Variants in TSPEAR observed in about 807,000 individuals in gnomAD.
The protein encoded by TSPEAR is thrombospondin type laminin G domain and EAR repeats.
Under a neutral mutation model 71.6 loss-of-function variants are expected in TSPEAR, and 69 were observed. That is an observed-to-expected ratio of 0.96 (90% CI 0.79 to 1.18). The LOEUF (loss-of-function observed/expected upper bound fraction) is 1.18, where lower values mean the gene tolerates loss of function less well. Among genes scored for constraint, TSPEAR ranks in the 50% most tolerant of loss-of-function variants. TSPEAR has a pLI of 0.00. For synonymous variants in TSPEAR, 402 were observed against 387.2 expected (o/e 1.04, Z -0.45); for missense variants, 971 against 894.9 (o/e 1.09, Z -1.09).
chr21:44,517,658 C>T (rs1393945427), intron 9 of TSPEAR: 1 of 427,668 alleles, frequency 2.3e-6, no homozygotes, highest in African/African-American at 2.0e-5. Context: ...AGAACTAACC[C>T]AATATGGCAG....
intron 1 of TSPEAR, among the ~76,000 whole-genome samples, chr21:44,610,932 G>A (rs1184456295): frequency 6.6e-6 from 1 of 152,172 alleles, no homozygotes; most frequent in Non-Finnish European, 1.5e-5. Flanking sequence ...CATGGGCCCT[G>A]TAAAATCCCT....
At chr21:44,650,720 C>T (rs763065237) in intron 1 of TSPEAR, among the ~76,000 whole-genome samples, 10 of 150,092 alleles carry the variant, frequency 6.7e-5, no homozygotes, top group East Asian at 1.9e-4. Context: ...GATGTCAACA[C>T]GCCCTCCAGC....
At chr21:44,598,371 C>T (rs1194389997) in intron 1 of TSPEAR, among the ~76,000 whole-genome samples, 1 of 152,214 alleles carries the variant, frequency 6.6e-6, no homozygotes, top group Non-Finnish European at 1.5e-5. Flanking sequence ...AACTTCTACT[C>T]TCCTTTGTTC....
intron 1 of TSPEAR, among the ~76,000 whole-genome samples, chr21:44,577,499 CAGAG>C (rs1569197302): frequency 6.6e-6 from 1 of 152,022 alleles, no homozygotes; most frequent in Non-Finnish European, 1.5e-5. Context: ...GCAAGAGAGA[CAGAG>C]AGGAGGGAGT....
At chr21:44,503,384 G>A (rs587598117) in intron 11 of TSPEAR, among the ~76,000 whole-genome samples, 5 of 128,248 alleles carry the variant, frequency 3.9e-5, no homozygotes, top group South Asian at 2.7e-4. Context: ...GTGAGCCCTC[G>A]GCGGGAAGCA....
intron 1 of TSPEAR, among the ~76,000 whole-genome samples, chr21:44,568,388 C>T (rs924566847): frequency 6.6e-6 from 1 of 152,228 alleles, no homozygotes; most frequent in African/African-American, 2.4e-5. Context: ...ACGCAGGAAG[C>T]GGCTGGGAAT....
chr21:44,525,952 G>T, intron 7 of TSPEAR, 113 bp from the exon 8 acceptor site: 2 of 1,119,512 alleles, frequency 1.8e-6, no homozygotes, highest in Non-Finnish European at 2.6e-6. Flanking sequence ...GCTGCTACGT[G>T]GTGCAGGGAC....
chr21:44,676,987 T>C, intron 1 of TSPEAR: 1 of 928,768 alleles, frequency 1.1e-6, no homozygotes, highest in Non-Finnish European at 1.8e-6. Flanking sequence ...GCTCATTCCT[T>C]TCCACCCAGG....
chr21:44,627,166 C>T (rs782175404), intron 1 of TSPEAR: 101 of 1,610,752 alleles, frequency 6.3e-5, no homozygotes, highest in Admixed American at 1.2e-4. Context: ...TCCTCCCCAC[C>T]CCAGCATGGC....
chr21:44,500,503 A>G (rs2145900495), intron 11 of TSPEAR, among the ~76,000 whole-genome samples: 1 of 152,364 alleles, frequency 6.6e-6, no homozygotes, highest in South Asian at 2.1e-4. Context: ...GGGCGCCGAC[A>G]TCAAAGGGCA....
chr21:44,560,481 G>T (rs1331245202), intron 2 of TSPEAR, among the ~76,000 whole-genome samples: 2 of 152,124 alleles, frequency 1.3e-5, no homozygotes, highest in African/African-American at 4.8e-5. Context: ...GGATCAAATG[G>T]ACCTAATAGA....
chr21:44,666,200 A>G lies in TSPEAR; in HGVS notation c.82+45233T>C, dbSNP rs190341969. The G allele has an allele frequency of 3.1e-3, 1,562 of 501,818 alleles. 4 individuals carry two copies. Among genetic ancestry groups the G allele is most frequent in the Non-Finnish European group, 4.4e-3 (1,253 of 285,766 alleles). 31.1% of individuals were successfully genotyped at this position (501,818 alleles called of 1,614,324 possible). On this transcript the variant is annotated intron_variant, in intron 1 of 11. Transcript: ENST00000323084. ...CAGAAATGCAGAGCTGCATGGGGAA[A>G]GCTGGTTTATTTGGCTCTCATGGGG...
At chr21:44,553,006 G>T (rs1329292515) in intron 2 of TSPEAR, among the ~76,000 whole-genome samples, 1 of 152,238 alleles carries the variant, frequency 6.6e-6, no homozygotes, top group Non-Finnish European at 1.5e-5. Context: ...ATGAGGGGGA[G>T]GGTCCCACAG....
In TSPEAR at chr21:44,520,393, C is replaced by G. The variant is rs2052710967; in HGVS notation, c.1566+1490G>C. 6.6e-6 allele frequency: 1 copy of G among 152,116 alleles called. No individual in the cohort carries two copies. The highest frequency in any genetic ancestry group is 2.1e-4 in the South Asian group (1 of 4,822). 9.4% of individuals were successfully genotyped at this position (152,116 alleles called of 1,614,324 possible). On this transcript the variant is annotated intron_variant, in intron 9 of 11. Transcript: ENST00000323084. This position sits in a 1 kb window ranked among gnomAD's most constrained non-coding sequence, Gnocchi z 4.2. ...GGGAGGGTGCTCCCTGACATCTGCTCTCCTCGTGCCCTGAACATCCACGTA... is the reference window on the plus strand; with the variant it reads ...GGGAGGGTGCTCCCTGACATCTGCTGTCCTCGTGCCCTGAACATCCACGTA...
intron 1 of TSPEAR, chr21:44,654,336 C>T (rs1984995858): frequency 6.2e-7 from 1 of 1,613,958 alleles, no homozygotes; most frequent in South Asian, 1.1e-5. Context: ...GGCAGAAGGG[C>T]TGGCAGCACC....
chr21:44,656,956 A>T (rs1056830334), intron 1 of TSPEAR, among the ~76,000 whole-genome samples: 2 of 152,006 alleles, frequency 1.3e-5, no homozygotes, highest in African/African-American at 4.8e-5. Flanking sequence ...AGACCCCCCC[A>T]GCATGGGATT....
chr21:44,637,368 C>A, intron 1 of TSPEAR: 3 of 1,573,200 alleles, frequency 1.9e-6, no homozygotes, highest in Non-Finnish European at 2.6e-6. Context: ...CTCACTCACA[C>A]ACTCACTCAC....
chr21:44,598,747 T>C (rs1569210458), intron 1 of TSPEAR, among the ~76,000 whole-genome samples: 1 of 152,214 alleles, frequency 6.6e-6, no homozygotes, highest in East Asian at 1.9e-4. Context: ...AGATTATAAA[T>C]ATAATAATAT....
chr21:44,521,727 G>A (rs587601591), intron 9 of TSPEAR, among the ~76,000 whole-genome samples, 156 bp downstream of exon 9: 1 of 152,248 alleles, frequency 6.6e-6, no homozygotes, highest in Non-Finnish European at 1.5e-5. Flanking sequence ...GCCGTCCAGA[G>A]GAGCAGGCCC....
Sources: allele counts gnomAD v4.1 joint callset (sites outside exome capture counted in the v4.1 genomes callset), GRCh38; gene constraint gnomAD v4.1.1; non-coding constraint Gnocchi (gnomAD v3.1); transcripts MANE v1.5; gene names NCBI Gene and HGNC (gene_info 2026-07-23, HGNC 2026-07-21).